Variants in DHDH observed in about 807,000 individuals in gnomAD.
DHDH encodes dihydrodiol dehydrogenase, also known as trans-1,2-dihydrobenzene-1,2-diol dehydrogenase.
DHDH carries 29 observed loss-of-function variants against 33.2 expected under a neutral mutation model. The observed-to-expected ratio is 0.87, with a 90% CI of 0.65 to 1.19. The LOEUF (loss-of-function observed/expected upper bound fraction) is 1.19, where lower values mean the gene tolerates loss of function less well. DHDH is among the 50% of genes most tolerant of loss of function. DHDH has a pLI of 0.00. For missense variants in DHDH, 431 were observed against 455.0 expected (o/e 0.95, Z 0.48); for synonymous variants, 201 against 187.9 (o/e 1.07, Z -0.57).
chr19:48,939,075 A>G (rs1161353764), intron 3 of DHDH, among the ~76,000 whole-genome samples: 1 of 152,148 alleles, frequency 6.6e-6, no homozygotes, highest in Non-Finnish European at 1.5e-5. Context: ...TTGGCAGGGC[A>G]GAAGCGAGAG....
intron 5 of DHDH, 80 bp downstream of exon 5, chr19:48,942,644 G>A (rs2037881897): frequency 3.9e-6 from 6 of 1,523,726 alleles, no homozygotes; most frequent in Non-Finnish European, 5.3e-6. Flanking sequence ...AGCTAGATGA[G>A]AGCTTAACCA....
intron 3 of DHDH, 96 bp downstream of exon 3, chr19:48,936,291 A>G (rs2037774660): frequency 1.4e-6 from 2 of 1,407,096 alleles, no homozygotes; most frequent in South Asian, 1.5e-5. Flanking sequence ...ATTTGCCAGG[A>G]TGTATCTGAA....
rs2037798124 is a variant in DHDH, at chr19:48,937,662, A to G, written c.366+1467A>G. On this transcript the variant is annotated intron_variant, in intron 3 of 6. Coordinates refer to ENST00000221403, the MANE Select transcript of DHDH (RefSeq NM_014475.4). ...CCCGCCTCTACTAAAAATACAAAAAATTAGCCGGGCGTGGTGGCGGGCGCC... is the reference window on the plus strand; with the variant it reads ...CCCGCCTCTACTAAAAATACAAAAAGTTAGCCGGGCGTGGTGGCGGGCGCC... Among the ~76,000 whole-genome samples the G allele has an allele frequency of 2.6e-5, 4 of 152,076 alleles. No homozygotes were observed. In the South Asian group the frequency reaches 8.4e-4, roughly 32 times the overall value.
intron 3 of DHDH, among the ~76,000 whole-genome samples, chr19:48,936,711 C>CAAAAAAAAAAAAAAAAAA (rs201495339): frequency 1.1e-5 from 1 of 87,434 alleles, no homozygotes; most frequent in Non-Finnish European, 2.9e-5. Flanking sequence ...AGAAAAAAAA[C>CAAAAAAAAAAAAAAAAAA]AAACAAAAAA....
rs11083954 is a variant in DHDH, at chr19:48,938,109, T to G, written c.367-1340T>G. On this transcript the variant is annotated intron_variant, in intron 3 of 6. Transcript: ENST00000221403. ...CTCTGGTTTTTGTTGTCATTGTTGT[T>G]GTTTTTGAGACAGAGTCTTGCTCTG... 2.6e-5 allele frequency among the ~76,000 whole-genome samples: 4 copies of G among 152,072 alleles called. No homozygotes were observed. The East Asian group carries it at 5.8e-4, about 22-fold the overall frequency.
At chr19:48,939,406 GGAT>G (rs1600086589) in intron 3 of DHDH, 40 bp from the exon 4 acceptor site, 1 of 1,583,388 alleles carries the variant, frequency 6.3e-7, no homozygotes. Context: ...ACCCCAGAAG[GGAT>G]TAGAACTGGT....
chr19:48,940,244 A>C (rs1014611375), intron 4 of DHDH, among the ~76,000 whole-genome samples: 3 of 152,004 alleles, frequency 2.0e-5, no homozygotes, highest in South Asian at 4.2e-4. Context: ...AATCCCAGCT[A>C]TCTGGGAGGC....
chr19:48,939,363 C>A, intron 3 of DHDH, 86 bp from the exon 4 acceptor site: 1 of 1,471,828 alleles, frequency 6.8e-7, no homozygotes, highest in South Asian at 1.3e-5. Context: ...TGTTTGGAGA[C>A]TGGGTTGCAG....
Position 48,944,342 on chromosome 19 carries a change from C to T in DHDH, c.745-15C>T. On this transcript the variant is annotated splice_polypyrimidine_tract_variant and intron_variant, in intron 5 of 6. Transcript: ENST00000221403. The stretch of plus-strand genomic sequence containing the variant: ...GTTGGTGAAGGCAGCAGTGCCACTT[C>T]TTCTCTCCCTCCAGCTCCTCAACCC... 1.2e-6 allele frequency: 2 copies of T among 1,613,442 alleles called. No individual in the cohort carries two copies. Among genetic ancestry groups the T allele is most frequent in the Non-Finnish European group, 1.7e-6 (2 of 1,179,942 alleles).
At chr19:48,935,999 G>C (rs1468541571) in intron 2 of DHDH, 33 bp from the exon 3 acceptor site, 1 of 1,567,888 alleles carries the variant, frequency 6.4e-7, no homozygotes, top group Admixed American at 1.9e-5. Flanking sequence ...GGGTGGGCGG[G>C]GCTGCTGACC....
At chr19:48,941,795 C>A (rs902727190) in intron 4 of DHDH, among the ~76,000 whole-genome samples, 17 of 151,606 alleles carry the variant, frequency 1.1e-4, no homozygotes, top group African/African-American at 4.1e-4. Context: ...ACCTCAGCCT[C>A]CTGAGTAGCT....
At position 48,944,812 on chromosome 19, in the gene DHDH, C is replaced by T. The variant is rs2037918548; in HGVS notation, c.896-12C>T. Reference sequence around the variant, plus strand: ...TGGGTAGGAGGGGTCCCTAACTACACTCTCCCCACAGGTATGAAGGAAAGT... The same window carrying T: ...TGGGTAGGAGGGGTCCCTAACTACATTCTCCCCACAGGTATGAAGGAAAGT... On this transcript the variant is annotated splice_polypyrimidine_tract_variant and intron_variant, in intron 6 of 6. Coordinates refer to ENST00000221403, the MANE Select transcript of DHDH (RefSeq NM_014475.4). 1 of 1,610,698 alleles carries T rather than the reference C, an allele frequency of 6.2e-7. No homozygotes were observed.
At chr19:48,944,258 C>G in intron 5 of DHDH, 99 bp from the exon 6 acceptor site, 1 of 1,539,018 alleles carries the variant, frequency 6.5e-7, no homozygotes, top group Non-Finnish European at 8.9e-7. Context: ...CCACCAGGTT[C>G]AAGAGGGAGG....
At position 48,942,500 on chromosome 19, in the gene DHDH, C is replaced by T. The variant is rs1449478022; in HGVS notation, c.680C>T (p.Thr227Ile). The change falls in exon 5 of 7, where the codon ACC (threonine) becomes ATC (isoleucine). Residue 227 changes from threonine to isoleucine, a missense_variant. Thr to Ile is a moderately conservative substitution (Grantham distance 89). Coordinates refer to ENST00000221403, the MANE Select transcript of DHDH (RefSeq NM_014475.4). ...QYPGEVHGSF[T>I]CSITVQLSNT... is the part of the protein sequence containing the mutation. ...CCAGGGGAGGTCCATGGCAGCTTCA[C>T]CTGCAGCATCACCGTGCAGCTCTCC... 4 of 1,613,718 alleles carry T rather than the reference C, an allele frequency of 2.5e-6. No homozygotes were observed. In the Admixed American group the frequency reaches 5.0e-5, roughly 20 times the overall value.
rs369662956 is a variant in DHDH, at chr19:48,944,419, G to T, written c.807G>T (p.Pro269=). 1.9e-6 allele frequency: 3 copies of T among 1,614,020 alleles called. No homozygotes were observed. Among genetic ancestry groups the T allele is most frequent in the Non-Finnish European group, 2.5e-6 (3 of 1,180,002 alleles). ...TGAAGGGGGAGCATAAGGAGTTCCC[G>T]CTGCCCCCAGTCCCAAAGGACTGCA... The part of the protein sequence containing the change: ...LVVKGEHKEF[P]LPPVPKDCNF... The change falls in exon 6 of 7, where the codon CCG becomes CCT. Residue 269 remains proline, a synonymous_variant. Transcript: ENST00000221403.
upstream of DHDH, among the ~76,000 whole-genome samples, chr19:48,933,054 A>G (rs1398954768): frequency 6.6e-6 from 1 of 152,182 alleles, no homozygotes; most frequent in Non-Finnish European, 1.5e-5. Flanking sequence ...TTCTAAAACT[A>G]TAGCTTCTGG....
At chr19:48,935,182 G>GAT (rs1390968960) in intron 2 of DHDH, 71 bp downstream of exon 2, 2 of 1,204,880 alleles carry the variant, frequency 1.7e-6, no homozygotes, top group African/African-American at 3.2e-5. Flanking sequence ...CCCCCTGGGA[G>GAT]ATGCAAGGCT....
At chr19:48,936,333 C>A in intron 3 of DHDH, 138 bp downstream of exon 3, 1 of 1,224,130 alleles carries the variant, frequency 8.2e-7, no homozygotes, top group Non-Finnish European at 1.1e-6. Context: ...CCGTGAAAGC[C>A]ATTGCTTTTG....
chr19:48,939,657 A>G lies in DHDH; in HGVS notation c.575A>G (p.Gln192Arg), dbSNP rs2037830566. The change falls in exon 4 of 7, where the codon CAG becomes CGG. Residue 192 changes from glutamine (Q) to arginine (R), a missense_variant. Transcript: ENST00000221403. Reference sequence around the variant, plus strand: ...TTCACCTCCATGGTCTTTGGAGGGCAGAAGCCAGAGAAGATTTCTGTCGTG... The same window carrying G: ...TTCACCTCCATGGTCTTTGGAGGGCGGAAGCCAGAGAAGATTTCTGTCGTG... ...VQFTSMVFGG[Q>R]KPEKISVVGR... 9 of 1,607,946 alleles carry G rather than the reference A, an allele frequency of 5.6e-6. No homozygotes were observed. The highest frequency in any genetic ancestry group is 7.7e-6 in the Non-Finnish European group (9 of 1,175,008).
Sources: allele counts gnomAD v4.1 joint callset (sites outside exome capture counted in the v4.1 genomes callset), GRCh38; gene constraint gnomAD v4.1.1; transcripts MANE v1.5; gene names NCBI Gene and HGNC (gene_info 2026-07-23, HGNC 2026-07-21).